Variants in SGK3 observed in about 807,000 individuals in gnomAD.
SGK3 encodes serum/glucocorticoid regulated kinase family member 3, also known as serine/threonine-protein kinase Sgk3.
In SGK3, 47 loss-of-function variants were observed where a neutral mutation model predicts 68.5. That is an observed-to-expected ratio of 0.69 (90% confidence interval 0.54 to 0.87). The LOEUF (loss-of-function observed/expected upper bound fraction) is 0.87. SGK3 is among the 40% of genes least tolerant of loss of function. The pLI is 0.00. For synonymous variants in SGK3, 181 were observed against 189.1 expected (o/e 0.96, Z 0.35); for missense variants, 479 against 575.5 (o/e 0.83, Z 1.72).
intron 1 of SGK3, among the ~76,000 whole-genome samples, chr8:66,779,564 A>ATT (rs1806873598): frequency 3.6e-5 from 1 of 28,162 alleles, no homozygotes; most frequent in South Asian, 9.9e-4. Flanking sequence ...GTGTGTGAAT[A>ATT]TATATATATA....
intron 5 of SGK3, among the ~76,000 whole-genome samples, chr8:66,819,162 T>C (rs1231760792): frequency 6.6e-6 from 1 of 152,198 alleles, no homozygotes; most frequent in East Asian, 1.9e-4. Context: ...ACTGAGTACT[T>C]CCTCTTTAAA....
intron 3 of SGK3, among the ~76,000 whole-genome samples, chr8:66,801,516 T>C (rs1807944769): frequency 6.6e-6 from 1 of 152,184 alleles, no homozygotes; most frequent in Non-Finnish European, 1.5e-5. Context: ...TGAATACCCA[T>C]TATTTGCATG....
intron 1 of SGK3, among the ~76,000 whole-genome samples, chr8:66,744,702 C>T (rs1805598686): frequency 1.3e-5 from 2 of 150,498 alleles, no homozygotes; most frequent in South Asian, 4.2e-4. Context: ...GATGGGGTTT[C>T]ACCATGTTGG....
intron 1 of SGK3, among the ~76,000 whole-genome samples, chr8:66,736,177 A>G (rs1456124741): frequency 6.6e-6 from 1 of 152,234 alleles, no homozygotes; most frequent in South Asian, 2.1e-4. Context: ...GTAATGTGAC[A>G]TACCTCACAG....
chr8:66,807,282 A>G (rs980507375), intron 4 of SGK3, among the ~76,000 whole-genome samples: 7 of 152,186 alleles, frequency 4.6e-5, no homozygotes, highest in Non-Finnish European at 8.8e-5. Context: ...AAATCAAACT[A>G]CTAGTGATAA....
In SGK3 at chr8:66,840,980, C is replaced by A. The variant is rs1166170441; in HGVS notation, c.892-44C>A. 8.9e-6 allele frequency: 12 copies of A among 1,343,160 alleles called. No individual in the cohort carries two copies. In the East Asian group the frequency reaches 1.8e-4, roughly 20 times the overall value. The allele number at this position is 1,343,160 out of a possible 1,614,324, so 83.2% of individuals were successfully genotyped here. A position where few individuals can be genotyped will look rare whatever the true frequency, so the allele number is the denominator to read the frequency against. ...AAAATTAACTGAAAAATTGTCAATTCATATTTATGCATTGTTTTATCTTAC... is the reference window on the plus strand; with the variant it reads ...AAAATTAACTGAAAAATTGTCAATTAATATTTATGCATTGTTTTATCTTAC... On this transcript the variant is annotated intron_variant, in intron 12 of 16. Coordinates refer to ENST00000521198, the MANE Select transcript of SGK3 (RefSeq NM_001033578.3).
chr8:66,723,378 A>G (rs1428945118), intron 1 of SGK3, among the ~76,000 whole-genome samples: 1 of 151,392 alleles, frequency 6.6e-6, no homozygotes, highest in Non-Finnish European at 1.5e-5. Flanking sequence ...CGGGAGGCAG[A>G]GGTTGTGGTG....
intron 2 of SGK3, among the ~76,000 whole-genome samples, chr8:66,794,300 A>G (rs1807584755): frequency 6.6e-6 from 1 of 152,212 alleles, no homozygotes; most frequent in African/African-American, 2.4e-5. Flanking sequence ...TTATCACTGT[A>G]GTATCTACTA....
intron 1 of SGK3, among the ~76,000 whole-genome samples, chr8:66,723,118 TATATA>T (rs1563595247): frequency 3.9e-4 from 21 of 53,346 alleles, no homozygotes; most frequent in African/African-American, 1.8e-3. Context: ...TATATATATA[TATATA>T]TATATATATT....
chr8:66,841,830 A>G (rs532146518), intron 13 of SGK3, among the ~76,000 whole-genome samples: 1 of 152,328 alleles, frequency 6.6e-6, no homozygotes, highest in Admixed American at 6.5e-5. Context: ...GACAATAGTA[A>G]TGATCCTTAC....
intron 13 of SGK3, among the ~76,000 whole-genome samples, chr8:66,842,844 A>T (rs1809851734): frequency 6.6e-6 from 1 of 152,146 alleles, no homozygotes; most frequent in South Asian, 2.1e-4. Context: ...CAAAGTGGGC[A>T]GATTGCTTGA....
chr8:66,763,634 G>A (rs1030288068), intron 1 of SGK3, among the ~76,000 whole-genome samples: 9 of 151,606 alleles, frequency 5.9e-5, no homozygotes, highest in Non-Finnish European at 1.2e-4. Flanking sequence ...ATATATATGT[G>A]TATTTATATG....
intron 1 of SGK3, among the ~76,000 whole-genome samples, chr8:66,772,178 C>A (rs1315520999): frequency 6.8e-6 from 1 of 147,494 alleles, no homozygotes; most frequent in Non-Finnish European, 1.5e-5. Context: ...TCACTGTAGC[C>A]TTGACCACCT....
At chr8:66,795,246 T>A (rs2130578665) in intron 2 of SGK3, among the ~76,000 whole-genome samples, 1 of 152,296 alleles carries the variant, frequency 6.6e-6, no homozygotes, top group South Asian at 2.1e-4. Flanking sequence ...AAGCAGTCCC[T>A]CTGTCCTCTC....
intron 1 of SGK3, among the ~76,000 whole-genome samples, chr8:66,771,083 A>G (rs1054728998): frequency 2.0e-5 from 3 of 152,060 alleles, no homozygotes; most frequent in Admixed American, 6.6e-5. Context: ...GGGAGGGTCA[A>G]TTTGGTCCTT....
At chr8:66,829,743 A>G (rs1157181155) in intron 7 of SGK3, among the ~76,000 whole-genome samples, 1 of 152,178 alleles carries the variant, frequency 6.6e-6, no homozygotes, top group African/African-American at 2.4e-5. Context: ...AGTTTACAAA[A>G]CTTACTTGAA....
chr8:66,815,953 A>G (rs1808556834), intron 5 of SGK3, among the ~76,000 whole-genome samples: 2 of 152,220 alleles, frequency 1.3e-5, no homozygotes, highest in Non-Finnish European at 1.5e-5. Context: ...CATTCCATTC[A>G]TGATAGAAGA....
chr8:66,805,288 G>A (rs1808108569), intron 4 of SGK3, among the ~76,000 whole-genome samples: 1 of 152,106 alleles, frequency 6.6e-6, no homozygotes, highest in Admixed American at 6.5e-5. Context: ...GGGAGGCTGA[G>A]GCAGGTGGAT....
chr8:66,719,386 GC>G (rs1804736021), intron 1 of SGK3, among the ~76,000 whole-genome samples: 1 of 151,992 alleles, frequency 6.6e-6, no homozygotes, highest in South Asian at 2.1e-4. Context: ...GAATGCAGTG[GC>G]ACGACTGTGA....
Sources: allele counts gnomAD v4.1 joint callset (sites outside exome capture counted in the v4.1 genomes callset), GRCh38; gene constraint gnomAD v4.1.1; transcripts MANE v1.5; gene names NCBI Gene and HGNC (gene_info 2026-07-23, HGNC 2026-07-21).